The following ANKK1 variants were observed in gnomAD, a reference collection of about 807,000 sequenced individuals.
ANKK1 encodes ankyrin repeat and kinase domain containing 1.
A neutral mutation model predicts 37.6 loss-of-function variants in ANKK1; 37 were observed. That is an observed-to-expected ratio of 0.98 (90% CI 0.76 to 1.29). The LOEUF is 1.29. Among genes scored for constraint, ANKK1 ranks in the 50% most tolerant of loss-of-function variants. The pLI is 0.00. For missense variants in ANKK1, 1,019 were observed against 990.6 expected (o/e 1.03, Z -0.39); for synonymous variants, 415 against 418.7 (o/e 0.99, Z 0.11).
At chr11:113,395,231 G>A in intron 3 of ANKK1, 128 bp from the exon 4 acceptor site, 1 of 1,493,952 alleles carries the variant, frequency 6.7e-7, no homozygotes, top group Non-Finnish European at 9.1e-7. Flanking sequence ...AGAGGGCTGG[G>A]GAGTACTTTG....
At chr11:113,394,595 A>G (rs974801708) in intron 2 of ANKK1, 3 of 444,696 alleles carry the variant, frequency 6.7e-6, no homozygotes, top group Admixed American at 4.9e-5. Context: ...CTTCATTCAT[A>G]GTCTCTGGAT....
In ANKK1 at chr11:113,387,926, C is replaced by G. The variant is rs758194853; in HGVS notation, c.42C>G (p.Pro14=). The G allele has an allele frequency of 5.7e-6, 9 of 1,568,478 alleles. No individual in the cohort carries two copies. The African/African-American group carries it at 6.8e-5, about 12-fold the overall frequency. Residue 14 remains proline, a synonymous_variant, in exon 1 of 8, where the codon CCC becomes CCG. Coordinates refer to ENST00000303941, the MANE Select transcript of ANKK1 (RefSeq NM_178510.2). Reference sequence around the variant, plus strand: ...CCGAGCTGCGGCTGGGCAGCCTCCCCGTCTTCACCCGCGACGACTTCGAGG... The same window carrying G: ...CCGAGCTGCGGCTGGGCAGCCTCCCGGTCTTCACCCGCGACGACTTCGAGG... ...DPTELRLGSL[P]VFTRDDFEGD...
rs1950677685 is a variant in ANKK1 at position 113,399,601 on chromosome 11, A to C, written c.1632A>C (p.Gln544His). 1 of 1,606,868 alleles carries C rather than the reference A, an allele frequency of 6.2e-7. No homozygotes were observed. The highest frequency in any genetic ancestry group is 8.5e-7 in the Non-Finnish European group (1 of 1,176,894). ...AVERGKVRAI[Q>H]HLLKSGAVPD... is the part of the protein sequence containing the mutation. ...AGCGGGGCAAAGTGAGGGCCATCCA[A>C]CACCTGCTGAAGAGTGGAGCGGTCC... The change falls in exon 8 of 8, where the codon CAA (glutamine) becomes CAC (histidine). Residue 544 changes from glutamine to histidine, a missense_variant. By Grantham distance (24) the Gln-to-His change is conservative. Coordinates refer to ENST00000303941, the MANE Select transcript of ANKK1 (RefSeq NM_178510.2).
chr11:113,399,753 C>T lies in ANKK1; in HGVS notation c.1784C>T (p.Thr595Ile), dbSNP rs55787008. ...GAGCTGCCCACCCACCAGGGCTGGA[C>T]ACCCCTGCATCTAGCAGCCTACAAG... ...SLELPTHQGW[T>I]PLHLAAYKGH... is the part of the protein sequence containing the mutation. Residue 595 changes from threonine to isoleucine, a missense_variant, in exon 8 of 8, where the codon ACA becomes ATA. Transcript: ENST00000303941. The T allele has an allele frequency of 6.9e-4, 1,101 of 1,603,604 alleles. 8 individuals carry two copies. The African/African-American group carries it at 0.013, about 19-fold the overall frequency.
At position 113,399,583 on chromosome 11, in the gene ANKK1, C is replaced by T. The variant is rs1415605048; in HGVS notation, c.1614C>T (p.Gly538=). Residue 538 remains glycine (G), a synonymous_variant, in exon 8 of 8, where the codon GGC becomes GGT. Transcript: ENST00000303941. ...CACTGCACCTGGCAGTAGAGCGGGG[C>T]AAAGTGAGGGCCATCCAACACCTGC... ...RTPLHLAVER[G]KVRAIQHLLK... 11 of 1,605,258 alleles carry T rather than the reference C, an allele frequency of 6.9e-6. No homozygotes were observed. The East Asian group carries it at 2.3e-4, about 33-fold the overall frequency.
At chr11:113,388,805 G>A (rs958555201) in intron 1 of ANKK1, among the ~76,000 whole-genome samples, 1 of 152,224 alleles carries the variant, frequency 6.6e-6, no homozygotes, top group African/African-American at 2.4e-5. Context: ...CATTCCCACT[G>A]GAGTTGCATA....
chr11:113,398,909 T>G (rs1353719671), intron 7 of ANKK1, 55 bp from the exon 8 acceptor site: 5 of 1,468,608 alleles, frequency 3.4e-6, no homozygotes, highest in Non-Finnish European at 4.6e-6. Context: ...ATGGCCATGA[T>G]GACCTCTGGA....
intron 1 of ANKK1, among the ~76,000 whole-genome samples, chr11:113,390,671 G>T (rs923296512): frequency 1.3e-5 from 2 of 150,044 alleles, no homozygotes; most frequent in Non-Finnish European, 2.9e-5. Context: ...GGAGGCAGAG[G>T]TTGCAGTGAG....
intron 5 of ANKK1, among the ~76,000 whole-genome samples, chr11:113,396,442 A>G (rs773877734): frequency 6.6e-6 from 1 of 150,630 alleles, no homozygotes; most frequent in Non-Finnish European, 1.5e-5. Context: ...TGGGCTCAAG[A>G]TATCCTCCCG....
chr11:113,391,561 G>A (rs1048315771), intron 1 of ANKK1, among the ~76,000 whole-genome samples: 2 of 152,082 alleles, frequency 1.3e-5, no homozygotes, highest in African/African-American at 2.4e-5. Flanking sequence ...GGCAGGATTT[G>A]CGAAGACTTG....
chr11:113,399,739 C>A lies in ANKK1; in HGVS notation c.1770C>A (p.Thr590=), dbSNP rs375817372. ...ACGGAGCCAGCCTTGAGCTGCCCACCCACCAGGGCTGGACACCCCTGCATC... is the reference window on the plus strand; with the variant it reads ...ACGGAGCCAGCCTTGAGCTGCCCACACACCAGGGCTGGACACCCCTGCATC... The part of the protein sequence containing the change: ...LRYGASLELP[T]HQGWTPLHLA... The change falls in exon 8 of 8, where the codon ACC becomes ACA. Residue 590 remains threonine, a synonymous_variant. Coordinates refer to ENST00000303941, the MANE Select transcript of ANKK1 (RefSeq NM_178510.2). 50 of 1,602,496 alleles carry A rather than the reference C, an allele frequency of 3.1e-5. No individual in the cohort carries two copies. The highest frequency in any genetic ancestry group is 4.1e-5 in the Non-Finnish European group (48 of 1,174,780).
In ANKK1 at chr11:113,399,066, T is replaced by C. The variant is rs1162522995; in HGVS notation, c.1097T>C (p.Leu366Pro). 1.9e-6 allele frequency: 3 copies of C among 1,603,242 alleles called. No homozygotes were observed. Among genetic ancestry groups the C allele is most frequent in the Non-Finnish European group, 2.6e-6 (3 of 1,174,938 alleles). ...ATCTATGAGAACAAGGTCACCCCCCTCCACTTCCTGGTGGCCCAGGGCAGT... is the reference window on the plus strand; with the variant it reads ...ATCTATGAGAACAAGGTCACCCCCCCCCACTTCCTGGTGGCCCAGGGCAGT... ...LCIYENKVTP[L>P]HFLVAQGSVE... Residue 366 changes from leucine (L) to proline (P), a missense_variant, in exon 8 of 8, where the codon CTC becomes CCC. Transcript: ENST00000303941.
intron 5 of ANKK1, among the ~76,000 whole-genome samples, chr11:113,396,961 G>A (rs1011910266): frequency 6.6e-6 from 1 of 152,220 alleles, no homozygotes; most frequent in Non-Finnish European, 1.5e-5. Context: ...ATGCACCTGT[G>A]TGTAAGTGTG....
intron 5 of ANKK1, 55 bp downstream of exon 5, chr11:113,396,277 G>A: frequency 6.3e-7 from 1 of 1,598,640 alleles, no homozygotes; most frequent in Non-Finnish European, 8.5e-7. Flanking sequence ...GGCCGGGAGG[G>A]GAGATGACTG....
chr11:113,399,715 C>T lies in ANKK1; in HGVS notation c.1746C>T (p.Tyr582=), dbSNP rs373856752. 173 of 1,598,500 alleles carry T rather than the reference C, an allele frequency of 1.1e-4. 2 individuals are homozygous for T. The highest frequency in any genetic ancestry group is 1.3e-4 in the Non-Finnish European group (148 of 1,172,836). ...KYLICKMLLR[Y]GASLELPTHQ... ...TGATCTGCAAGATGCTGCTCAGGTACGGAGCCAGCCTTGAGCTGCCCACCC... is the reference window on the plus strand; with the variant it reads ...TGATCTGCAAGATGCTGCTCAGGTATGGAGCCAGCCTTGAGCTGCCCACCC... The change falls in exon 8 of 8, where the codon TAC becomes TAT. Residue 582 remains tyrosine, a synonymous_variant. Coordinates refer to ENST00000303941, the MANE Select transcript of ANKK1 (RefSeq NM_178510.2).
chr11:113,388,817 A>G (rs1364934116), intron 1 of ANKK1, among the ~76,000 whole-genome samples: 1 of 152,216 alleles, frequency 6.6e-6, no homozygotes, highest in Non-Finnish European at 1.5e-5. Context: ...AGTTGCATAT[A>G]CTAGCTGTGT....
chr11:113,399,015 TGG>T lies in ANKK1; in HGVS notation c.1047_1048del (p.Leu349PhefsTer5). ...CTTCAGCTCTCCGACCGTAAGAATT[TGG>T]TCCCGAGAGATGAGGAACTGTGTAT... On this transcript the variant is annotated frameshift_variant, in exon 8 of 8. Coordinates refer to ENST00000303941, the MANE Select transcript of ANKK1 (RefSeq NM_178510.2). LOFTEE classifies it low-confidence loss of function (END_TRUNC). 1 of 1,600,454 alleles carries T rather than the reference TGG, an allele frequency of 6.2e-7. No individual in the cohort carries two copies. The highest frequency in any genetic ancestry group is 1.3e-5 in the African/African-American group (1 of 74,712).
chr11:113,394,066 G>A (rs1038995189), intron 2 of ANKK1, among the ~76,000 whole-genome samples: 1 of 152,164 alleles, frequency 6.6e-6, no homozygotes, highest in African/African-American at 2.4e-5. Context: ...GGATGGAGAC[G>A]TGTGTAAATG....
rs890890791 is a variant in ANKK1, at chr11:113,399,160, G to A, written c.1191G>A (p.Thr397=). ...ACTGCCAGACGGCCTCTGGATACAC[G>A]CCCCTCCTGATCGCCGCCCAGGACC... ...DVDCQTASGY[T]PLLIAAQDQQ... Residue 397 remains threonine (T), a synonymous_variant, in exon 8 of 8, where the codon ACG becomes ACA. Coordinates refer to ENST00000303941, the MANE Select transcript of ANKK1 (RefSeq NM_178510.2). The A allele has an allele frequency of 1.2e-5, 19 of 1,596,818 alleles. No homozygotes were observed. The highest frequency in any genetic ancestry group is 2.3e-5 in the South Asian group (2 of 87,732).
Sources: gnomAD v4.1 joint callset for allele counts (sites outside exome capture counted in the v4.1 genomes callset) on GRCh38, gnomAD v4.1.1 for gene constraint, MANE v1.5 for transcripts, NCBI Gene and HGNC (gene_info 2026-07-23, HGNC 2026-07-21) for gene names.